Variants in EXOC4 observed in about 807,000 individuals in gnomAD.
The protein encoded by EXOC4 is exocyst complex component 4, also known as SEC8-like 1.
In EXOC4, 71 loss-of-function variants were observed where a neutral mutation model predicts 107.2. The ratio of observed to expected loss-of-function variants is 0.66; its 90% CI spans 0.55 to 0.81. The LOEUF is 0.81. EXOC4 is among the 30% of genes least tolerant of loss of function. The pLI, the probability that EXOC4 is intolerant of heterozygous loss-of-function variation, is 0.00. For synonymous variants in EXOC4, 456 were observed against 441.2 expected (o/e 1.03, Z -0.42); for missense variants, 1,108 against 1,189.6 (o/e 0.93, Z 1.01).
rs575605259 is a variant in EXOC4, at chr7:133,912,764, G to A, written c.1872-4819G>A. ...ATGGGATTCCAGCTTGCAAAAAAGT[G>A]TAGTAGGACCAGTTAAAATAGACGT... On this transcript the variant is annotated intron_variant, in intron 12 of 17. Transcript: ENST00000253861. Among the ~76,000 whole-genome samples, 24 of 152,296 alleles carry A rather than the reference G, an allele frequency of 1.6e-4. 2 individuals are homozygous for A. In the South Asian group the frequency reaches 4.4e-3, roughly 28 times the overall value.
chr7:133,342,167 T>C (rs183130358), intron 5 of EXOC4, among the ~76,000 whole-genome samples: 43 of 152,290 alleles, frequency 2.8e-4, no homozygotes, highest in African/African-American at 9.6e-4. Context: ...GGTTCTGTTT[T>C]GTTGTATTTT....
chr7:133,763,518 TCCC>T (rs996246046), intron 10 of EXOC4, among the ~76,000 whole-genome samples: 3 of 152,112 alleles, frequency 2.0e-5, no homozygotes, highest in Admixed American at 6.6e-5. Context: ...AACCTCTTGC[TCCC>T]CGAGTTTGCT....
chr7:133,465,445 T>G (rs980289815), intron 7 of EXOC4, among the ~76,000 whole-genome samples: 1 of 152,108 alleles, frequency 6.6e-6, no homozygotes, highest in African/African-American at 2.4e-5. Context: ...GTGATTATGG[T>G]TGGTGATTTT....
At chr7:133,988,101 A>G (rs1189871834) in intron 14 of EXOC4, among the ~76,000 whole-genome samples, 1 of 152,184 alleles carries the variant, frequency 6.6e-6, no homozygotes, top group Non-Finnish European at 1.5e-5. Context: ...TTTTTATGTC[A>G]ATCGTAAAGA....
Position 133,534,380 on chromosome 7 carries a change from A to G in EXOC4, c.1417+54242A>G, listed in dbSNP as rs182226603. ...GGTTAAAGAACCTTAGCTAATTTCA[A>G]TCAGCCCTGAGTTGTCATTCCTGTT... On this transcript the variant is annotated intron_variant, in intron 9 of 17. Transcript: ENST00000253861. Among the ~76,000 whole-genome samples the G allele has an allele frequency of 4.3e-4, 66 of 152,292 alleles. 1 individual carries two copies. The East Asian group carries it at 4.6e-3, about 11-fold the overall frequency.
intron 14 of EXOC4, among the ~76,000 whole-genome samples, chr7:133,968,420 G>A (rs1354320579): frequency 6.6e-6 from 1 of 152,178 alleles, no homozygotes; most frequent in Non-Finnish European, 1.5e-5. Flanking sequence ...AGTTGATGCA[G>A]TTTCTTCATA....
intron 10 of EXOC4, among the ~76,000 whole-genome samples, chr7:133,707,904 T>C (rs1794803239): frequency 6.6e-6 from 1 of 152,290 alleles, no homozygotes; most frequent in East Asian, 1.9e-4. Context: ...ATTTTTGTTT[T>C]TGATGGAATG....
intron 3 of EXOC4, among the ~76,000 whole-genome samples, chr7:133,295,533 C>G (rs1794500023): frequency 6.6e-6 from 1 of 152,090 alleles, no homozygotes; most frequent in South Asian, 2.1e-4. Flanking sequence ...GGTATCATCA[C>G]TAGATAAAAG....
intron 9 of EXOC4, among the ~76,000 whole-genome samples, chr7:133,620,011 TG>T (rs1159229701): frequency 7.0e-4 from 105 of 149,038 alleles, no homozygotes; most frequent in African/African-American, 2.3e-3. Flanking sequence ...TGTGTGTGTT[TG>T]TTTTTTTTTG....
chr7:133,704,123 T>C (rs1040361728), intron 10 of EXOC4, among the ~76,000 whole-genome samples: 1 of 152,168 alleles, frequency 6.6e-6, no homozygotes, highest in Non-Finnish European at 1.5e-5. Context: ...AAGGAATAAA[T>C]TAATTTTTAA....
intron 6 of EXOC4, among the ~76,000 whole-genome samples, chr7:133,366,501 T>C (rs1040391581): frequency 1.3e-5 from 2 of 152,244 alleles, no homozygotes; most frequent in African/African-American, 4.8e-5. Flanking sequence ...TTATTAAAGT[T>C]GGCTCTTAAA....
chr7:133,648,914 G>T (rs1803062997), intron 10 of EXOC4, among the ~76,000 whole-genome samples: 1 of 152,140 alleles, frequency 6.6e-6, no homozygotes, highest in Non-Finnish European at 1.5e-5. Flanking sequence ...CATTTCTCTT[G>T]AAATACCTGT....
chr7:133,726,483 A>T (rs1795217592), intron 10 of EXOC4, among the ~76,000 whole-genome samples: 1 of 152,192 alleles, frequency 6.6e-6, no homozygotes, highest in South Asian at 2.1e-4. Flanking sequence ...GAGGCCTTTA[A>T]TGGCTCCCCA....
chr7:133,266,925 A>T (rs1793744023), intron 1 of EXOC4, among the ~76,000 whole-genome samples: 1 of 152,128 alleles, frequency 6.6e-6, no homozygotes, highest in African/African-American at 2.4e-5. Context: ...ATATCATGTG[A>T]TGTGTCTCCT....
At chr7:133,359,516 A>G (rs1444732137) in intron 6 of EXOC4, among the ~76,000 whole-genome samples, 1 of 152,188 alleles carries the variant, frequency 6.6e-6, no homozygotes, top group African/African-American at 2.4e-5. Flanking sequence ...AAGTTGGAAC[A>G]GAGACCAAAA....
chr7:133,437,426 T>G (rs1413926205), intron 7 of EXOC4, among the ~76,000 whole-genome samples: 1 of 152,188 alleles, frequency 6.6e-6, no homozygotes, highest in South Asian at 2.1e-4. Flanking sequence ...TTTTCGATTA[T>G]CTGGTGATCA....
In EXOC4 at chr7:133,527,603, T is replaced by C. The variant is rs114194217; in HGVS notation, c.1417+47465T>C. Among the ~76,000 whole-genome samples the C allele has an allele frequency of 2.5e-3, 376 of 152,276 alleles. 5 individuals are homozygous for C. Among genetic ancestry groups the C allele is most frequent in the African/African-American group, 8.4e-3 (351 of 41,554 alleles). ...TAAAGGAATAATAATTTAAAAATTT[T>C]GGTTAAAAACTAGTTAGAATAAATT... On this transcript the variant is annotated intron_variant, in intron 9 of 17. Coordinates refer to ENST00000253861, the MANE Select transcript of EXOC4 (RefSeq NM_021807.4).
chr7:133,452,953 TC>T (rs1798380366), intron 7 of EXOC4, among the ~76,000 whole-genome samples: 1 of 152,092 alleles, frequency 6.6e-6, no homozygotes, highest in African/African-American at 2.4e-5. Context: ...TAATCTCCTT[TC>T]CCTTATGTAA....
intron 12 of EXOC4, among the ~76,000 whole-genome samples, chr7:133,904,065 G>A (rs1282503983): frequency 1.3e-5 from 2 of 152,300 alleles, no homozygotes; most frequent in African/African-American, 2.4e-5. Flanking sequence ...AGGGTAAATA[G>A]AGGCAAAACT....
Sources: gnomAD v4.1 joint callset for allele counts (sites outside exome capture counted in the v4.1 genomes callset) on GRCh38, gnomAD v4.1.1 for gene constraint, MANE v1.5 for transcripts, NCBI Gene and HGNC (gene_info 2026-07-23, HGNC 2026-07-21) for gene names.